NTNG1: variants seen among roughly 807,000 people sequenced by gnomAD.
The protein encoded by NTNG1 is netrin G1.
In NTNG1, 16 loss-of-function variants were observed where a neutral mutation model predicts 54.0. The ratio of observed to expected loss-of-function variants is 0.30; its 90% confidence interval spans 0.20 to 0.45. The LOEUF is 0.45. NTNG1 is among the 20% of genes least tolerant of loss of function. The pLI is 1.00. For synonymous variants in NTNG1, 255 were observed against 263.1 expected (o/e 0.97, Z 0.30); for missense variants, 530 against 678.7 (o/e 0.78, Z 2.43).
chr1:107,204,033 T>C (rs961234369), intron 2 of NTNG1, among the ~76,000 whole-genome samples: 1 of 152,006 alleles, frequency 6.6e-6, no homozygotes, highest in African/African-American at 2.4e-5. Flanking sequence ...TCATAGTATA[T>C]GGTTCTATTT....
chr1:107,455,864 C>T (rs1001014156), intron 7 of NTNG1, among the ~76,000 whole-genome samples: 7 of 152,172 alleles, frequency 4.6e-5, no homozygotes, highest in Non-Finnish European at 1.0e-4. Flanking sequence ...GTCTCAGCTC[C>T]ATGTCCTGTG....
At chr1:107,466,962 C>G (rs770566357) in intron 7 of NTNG1, among the ~76,000 whole-genome samples, 1 of 152,186 alleles carries the variant, frequency 6.6e-6, no homozygotes, top group Non-Finnish European at 1.5e-5. Context: ...CACTCAAATA[C>G]CTTTTTCTTA....
intron 7 of NTNG1, among the ~76,000 whole-genome samples, chr1:107,456,942 T>C (rs991204003): frequency 1.3e-5 from 2 of 152,242 alleles, no homozygotes; most frequent in African/African-American, 2.4e-5. Context: ...TAAATCAATA[T>C]ACTGATGAAT....
chr1:107,148,236 C>T lies in NTNG1; in HGVS notation c.-358C>T, dbSNP rs1654281596. The T allele has an allele frequency of 1.5e-5, 3 of 193,664 alleles. No individual in the cohort carries two copies. The highest frequency in any genetic ancestry group is 2.1e-5 in the Non-Finnish European group (2 of 93,540). 12.0% of individuals were successfully genotyped at this position (193,664 alleles called of 1,614,324 possible). ...ATCGGATGTACAACGGGAGAGCCAT[C>T]GCTTTGCTAAATTATTATCTGCAAT... On this transcript the variant is annotated 5_prime_UTR_variant, in exon 2 of 8. Coordinates refer to ENST00000370068, the MANE Select transcript of NTNG1 (RefSeq NM_001113226.3).
intron 2 of NTNG1, among the ~76,000 whole-genome samples, chr1:107,220,736 C>G (rs1660285150): frequency 6.6e-6 from 1 of 152,174 alleles, no homozygotes; most frequent in African/African-American, 2.4e-5. Context: ...AGATAAATGC[C>G]TAATGGATCT....
chr1:107,365,288 TA>T (rs780025746), intron 3 of NTNG1, among the ~76,000 whole-genome samples: 44 of 152,142 alleles, frequency 2.9e-4, no homozygotes, highest in Non-Finnish European at 5.6e-4. Flanking sequence ...CATAACTCCA[TA>T]ACTCCAGCCT....
chr1:107,392,768 C>T (rs1672443583), intron 3 of NTNG1, among the ~76,000 whole-genome samples: 1 of 152,042 alleles, frequency 6.6e-6, no homozygotes, highest in Non-Finnish European at 1.5e-5. Flanking sequence ...GCAGGTATTT[C>T]CTCACCTTAA....
chr1:107,228,793 C>T (rs1342706678), intron 2 of NTNG1, among the ~76,000 whole-genome samples: 1 of 152,090 alleles, frequency 6.6e-6, no homozygotes, highest in African/African-American at 2.4e-5. Flanking sequence ...TCACCAAAAC[C>T]ATCCCCACCA....
intron 2 of NTNG1, among the ~76,000 whole-genome samples, chr1:107,207,107 T>C (rs184045693): frequency 6.6e-6 from 1 of 152,256 alleles, no homozygotes; most frequent in Non-Finnish European, 1.5e-5. Flanking sequence ...AATTACTTGG[T>C]TCCTAATTTC....
chr1:107,148,743 C>G lies in NTNG1; in HGVS notation c.150C>G (p.Cys50Trp), dbSNP rs1159665029. Reference sequence around the variant, plus strand: ...GGAAAGTTTGGGATTACATGGCCTGCCAGCCGGAATCCACGGACATGACAA... The same window carrying G: ...GGAAAGTTTGGGATTACATGGCCTGGCAGCCGGAATCCACGGACATGACAA... ...EEGKVWDYMA[C>W]QPESTDMTKY... Residue 50 changes from cysteine to tryptophan, a missense_variant, in exon 2 of 8, where the codon TGC becomes TGG. Coordinates refer to ENST00000370068, the MANE Select transcript of NTNG1 (RefSeq NM_001113226.3). 6.2e-7 allele frequency: 1 copy of G among 1,613,650 alleles called. No individual in the cohort carries two copies. Among genetic ancestry groups the G allele is most frequent in the African/African-American group, 1.3e-5 (1 of 74,998 alleles).
At chr1:107,242,173 G>T (rs1044689696) in intron 2 of NTNG1, among the ~76,000 whole-genome samples, 1 of 152,010 alleles carries the variant, frequency 6.6e-6, no homozygotes, top group Non-Finnish European at 1.5e-5. Context: ...ACTTGGAGGA[G>T]GGGGGGTGAG....
At chr1:107,338,585 CT>C (rs1668724779) in intron 3 of NTNG1, among the ~76,000 whole-genome samples, 2 of 151,880 alleles carry the variant, frequency 1.3e-5, no homozygotes. Flanking sequence ...GAAATTTATC[CT>C]CTTCCATGAT....
intron 2 of NTNG1, among the ~76,000 whole-genome samples, chr1:107,191,149 GT>G (rs1421306875): frequency 6.6e-6 from 1 of 152,158 alleles, no homozygotes; most frequent in Non-Finnish European, 1.5e-5. Flanking sequence ...TCTCATTGTG[GT>G]TTTGATTTGC....
At chr1:107,335,472 T>C (rs1421041346) in intron 3 of NTNG1, among the ~76,000 whole-genome samples, 4 of 151,988 alleles carry the variant, frequency 2.6e-5, no homozygotes. Context: ...GCTGAAACTT[T>C]TATGAACATA....
At position 107,204,205 on chromosome 1, in the gene NTNG1, T is replaced by G. The variant is rs531470957; in HGVS notation, c.246+55366T>G. ...TTTCTTTGATTACAACTTTTAGCATTAAATTTTCTTTACTGTTTTGGAGTT... is the reference window on the plus strand; with the variant it reads ...TTTCTTTGATTACAACTTTTAGCATGAAATTTTCTTTACTGTTTTGGAGTT... On this transcript the variant is annotated intron_variant, in intron 2 of 7. Transcript: ENST00000370068. Among the ~76,000 whole-genome samples, 3 of 152,280 alleles carry G rather than the reference T, an allele frequency of 2.0e-5. No homozygotes were observed. The South Asian group carries it at 6.2e-4, about 32-fold the overall frequency.
chr1:107,177,780 TA>T (rs1335617952), intron 2 of NTNG1, among the ~76,000 whole-genome samples: 2 of 152,256 alleles, frequency 1.3e-5, no homozygotes, highest in Non-Finnish European at 2.9e-5. Flanking sequence ...ATCAGTTATA[TA>T]AATTGCCTTT....
intron 3 of NTNG1, among the ~76,000 whole-genome samples, chr1:107,391,751 A>C (rs549269533): frequency 6.6e-6 from 1 of 151,622 alleles, no homozygotes; most frequent in African/African-American, 2.4e-5. Flanking sequence ...TCTTGCAAAA[A>C]CTCATGGAGG....
Position 107,323,545 on chromosome 1 carries a change from CCTAA to C in NTNG1, c.247-734_247-731del, listed in dbSNP as rs554676907. Among the ~76,000 whole-genome samples, 332 of 152,214 alleles carry C rather than the reference CCTAA, an allele frequency of 2.2e-3. 2 individuals are homozygous for C. The highest frequency in any genetic ancestry group is 1.7e-3 in the South Asian group (8 of 4,822). ...GCTGTGGTTTGATGTGCAACAGCCT[CCTAA>C]CTGAGTAGTACGTTTTCTTGTCCTG... is the stretch of plus-strand genomic sequence containing the variant. On this transcript the variant is annotated intron_variant, in intron 2 of 7. Coordinates refer to ENST00000370068, the MANE Select transcript of NTNG1 (RefSeq NM_001113226.3).
intron 6 of NTNG1, among the ~76,000 whole-genome samples, chr1:107,435,520 A>G (rs1675541315): frequency 6.6e-6 from 1 of 152,190 alleles, no homozygotes; most frequent in South Asian, 2.1e-4. Context: ...CTCCACATTT[A>G]TTTGAAGAAT....
Sources: allele counts gnomAD v4.1 joint callset (sites outside exome capture counted in the v4.1 genomes callset), GRCh38; gene constraint gnomAD v4.1.1; transcripts MANE v1.5; gene names NCBI Gene and HGNC (gene_info 2026-07-23, HGNC 2026-07-21).